Variants in HEATR1 observed in about 807,000 individuals in gnomAD.
HEATR1 encodes HEAT repeat-containing protein 1.
A neutral mutation model predicts 248.2 loss-of-function variants in HEATR1; 77 were observed. The ratio of observed to expected loss-of-function variants is 0.31; its 90% CI spans 0.26 to 0.37. The LOEUF is 0.37. Ranked by LOEUF, HEATR1 falls within the 10% of genes least tolerant of loss-of-function variation. The probability of loss-of-function intolerance (pLI) is 1.00; values close to 1 mark genes in which losing one functional copy is unlikely to be tolerated. For missense variants in HEATR1, 2,420 were observed against 2,504.9 expected (o/e 0.97, Z 0.72); for synonymous variants, 897 against 923.1 (o/e 0.97, Z 0.51).
Position 236,591,929 on chromosome 1 carries a change from A to T in HEATR1, c.1422+64T>A, listed in dbSNP as rs1664049019. Reference sequence around the variant, plus strand: ...AAAAAAGTGGCAAATTTCCTTCTGGAGCTCTTCACATACCCATACAAATGT... The same window carrying T: ...AAAAAAGTGGCAAATTTCCTTCTGGTGCTCTTCACATACCCATACAAATGT... On this transcript the variant is annotated intron_variant, in intron 11 of 44. Transcript: ENST00000366582. 4.3e-6 allele frequency: 4 copies of T among 922,212 alleles called. No individual in the cohort carries two copies. In the South Asian group the frequency reaches 5.6e-5, roughly 13 times the overall value. The allele number at this position is 922,212 out of a possible 1,614,324, so 57.1% of individuals were successfully genotyped here. A position where few individuals can be genotyped will look rare whatever the true frequency, so the allele number is the denominator to read the frequency against.
chr1:236,590,302 G>A (rs772049382), intron 12 of HEATR1, among the ~76,000 whole-genome samples: 11 of 151,904 alleles, frequency 7.2e-5, no homozygotes, highest in African/African-American at 1.7e-4. Context: ...ATCATGGCTC[G>A]CTGCAGCCTC....
intron 3 of HEATR1, among the ~76,000 whole-genome samples, chr1:236,602,415 G>C (rs1664350286): frequency 6.6e-6 from 1 of 152,348 alleles, no homozygotes; most frequent in South Asian, 2.1e-4. Flanking sequence ...AGAATTAAAT[G>C]AGATAATGCA....
chr1:236,580,175 G>A (rs761345032), intron 20 of HEATR1, among the ~76,000 whole-genome samples: 1 of 151,976 alleles, frequency 6.6e-6, no homozygotes. Flanking sequence ...ATGAAATTCT[G>A]CATCTTTTGC....
At chr1:236,582,621 T>A in intron 19 of HEATR1, 115 bp downstream of exon 19, 1 of 1,030,540 alleles carries the variant, frequency 9.7e-7, no homozygotes, top group Non-Finnish European at 1.5e-6. Context: ...CAGGCTGGTA[T>A]TGAACTCCTG....
At chr1:236,601,470 C>T (rs1350153289) in intron 3 of HEATR1, among the ~76,000 whole-genome samples, 1 of 152,094 alleles carries the variant, frequency 6.6e-6, no homozygotes, top group Admixed American at 6.6e-5. Context: ...GGCCTTGAAG[C>T]CATGTCTCCA....
At chr1:236,594,202 T>A in intron 8 of HEATR1, 88 bp from the exon 9 acceptor site, 1 of 806,192 alleles carries the variant, frequency 1.2e-6, no homozygotes, top group South Asian at 1.7e-5. Flanking sequence ...AAAATCGTTC[T>A]CAGAATAAAA....
Position 236,582,820 on chromosome 1 carries a change from C to T in HEATR1, c.2478G>A (p.Leu826=). ...TCTCAAACAGCCCAATGAGCAAGTG[C>T]AGATAGTCCCTGCTGTCTTCTTTCA... The part of the protein sequence containing the change: ...EQLKEDSRDY[L]HLLIGLFEMM... The change falls in exon 19 of 45, where the codon CTG becomes CTA. Residue 826 remains leucine, a synonymous_variant. Transcript: ENST00000366582. 1 of 1,614,028 alleles carries T rather than the reference C, an allele frequency of 6.2e-7. No individual in the cohort carries two copies. The highest frequency in any genetic ancestry group is 8.5e-7 in the Non-Finnish European group (1 of 1,179,862).
rs113691081 is a variant in HEATR1 at position 236,592,647 on chromosome 1, A to C, written c.1194-14T>G. On this transcript the variant is annotated splice_polypyrimidine_tract_variant and intron_variant, in intron 9 of 44. Transcript: ENST00000366582. ...TCAAATAGAAGGCTGTAAAAAAAAA[A>C]ACAGAAATATCAGCATACATAAGAG... 2,422 of 1,081,430 alleles carry C rather than the reference A, an allele frequency of 2.2e-3. 49 individuals carry two copies. In the African/African-American group the frequency reaches 0.034, roughly 15 times the overall value. The allele number at this position is 1,081,430 out of a possible 1,614,324, so 67.0% of individuals were successfully genotyped here. A position where few individuals can be genotyped will look rare whatever the true frequency, so the allele number is the denominator to read the frequency against.
At position 236,580,548 on chromosome 1, in the gene HEATR1, G is replaced by A. The variant is rs570649378; in HGVS notation, c.2755+674C>T. The stretch of plus-strand genomic sequence containing the variant: ...TTTTTTTTTTTTGAGACAGGGTCTT[G>A]CTCTGTTGCCCAGTTTGGAGTGCAG... On this transcript the variant is annotated intron_variant, in intron 20 of 44. Coordinates refer to ENST00000366582, the MANE Select transcript of HEATR1 (RefSeq NM_018072.6). 7.6e-5 allele frequency among the ~76,000 whole-genome samples: 11 copies of A among 144,942 alleles called. No individual in the cohort carries two copies. The South Asian group carries it at 2.4e-3, about 31-fold the overall frequency.
chr1:236,600,486 C>G (rs887720389), intron 3 of HEATR1, among the ~76,000 whole-genome samples: 4 of 151,788 alleles, frequency 2.6e-5, no homozygotes, highest in Non-Finnish European at 5.9e-5. Context: ...ACTCTCCTAT[C>G]CTTTTACATC....
At chr1:236,573,309 A>G (rs1285723207) in intron 24 of HEATR1, among the ~76,000 whole-genome samples, 2 of 152,200 alleles carry the variant, frequency 1.3e-5, no homozygotes, top group Admixed American at 6.5e-5. Context: ...TGTATATTCT[A>G]ATCAGCTAGG....
intron 3 of HEATR1, among the ~76,000 whole-genome samples, chr1:236,602,305 T>C (rs768376731): frequency 3.3e-5 from 5 of 152,218 alleles, no homozygotes; most frequent in Non-Finnish European, 7.3e-5. Flanking sequence ...CTCTGCCACT[T>C]ACTAGCTGTG....
intron 13 of HEATR1, 113 bp downstream of exon 13, chr1:236,587,835 T>C: frequency 1.4e-6 from 1 of 703,324 alleles, no homozygotes; most frequent in Non-Finnish European, 2.3e-6. Context: ...GAGAACAAAT[T>C]TCCCATGGAA....
At chr1:236,597,778 C>T in intron 5 of HEATR1, 100 bp downstream of exon 5, 2 of 694,944 alleles carry the variant, frequency 2.9e-6, no homozygotes, top group Non-Finnish European at 4.7e-6. Flanking sequence ...TAAATTTATC[C>T]AAAGTATCAT....
intron 2 of HEATR1, 57 bp downstream of exon 2, chr1:236,603,897 G>T: frequency 4.6e-6 from 7 of 1,529,654 alleles, no homozygotes; most frequent in African/African-American, 1.4e-5. Flanking sequence ...AAAAAAAACA[G>T]TAACATCCAG....
At position 236,550,027 on chromosome 1, in the gene HEATR1, T is replaced by G. The variant is rs1662648425; in HGVS notation, c.*875A>C. Reference sequence around the variant, plus strand: ...TCTACGGGATGTTCTTAGATGCCTTTAAAAAGGGGGCAGATCTAATTTTAT... The same window carrying G: ...TCTACGGGATGTTCTTAGATGCCTTGAAAAAGGGGGCAGATCTAATTTTAT... On this transcript the variant is annotated 3_prime_UTR_variant, in exon 45 of 45. Coordinates refer to ENST00000366582, the MANE Select transcript of HEATR1 (RefSeq NM_018072.6). The G allele has an allele frequency of 6.6e-6, 1 of 152,174 alleles. No homozygotes were observed. Among genetic ancestry groups the G allele is most frequent in the Non-Finnish European group, 1.5e-5 (1 of 68,026 alleles). The allele number at this position is 152,174 out of a possible 1,614,324, so 9.4% of individuals were successfully genotyped here.
intron 28 of HEATR1, among the ~76,000 whole-genome samples, chr1:236,570,162 G>A (rs1370265851): frequency 6.6e-6 from 1 of 152,124 alleles, no homozygotes. Flanking sequence ...GGTGGCGGGT[G>A]CCTGTAGTCC....
At chr1:236,560,034 G>A (rs1344502843) in intron 33 of HEATR1, among the ~76,000 whole-genome samples, 197 bp from the exon 34 acceptor site, 2 of 146,404 alleles carry the variant, frequency 1.4e-5, no homozygotes, top group African/African-American at 2.7e-5. Context: ...GTAACTAGGC[G>A]CTTCTGTGCA....
intron 2 of HEATR1, 53 bp downstream of exon 2, chr1:236,603,901 C>T (rs1664396408): frequency 1.2e-5 from 18 of 1,535,650 alleles, no homozygotes; most frequent in Non-Finnish European, 1.5e-5. Context: ...AAAACAGTAA[C>T]ATCCAGAAAA....
Sources: allele counts gnomAD v4.1 joint callset (sites outside exome capture counted in the v4.1 genomes callset), GRCh38; gene constraint gnomAD v4.1.1; transcripts MANE v1.5; gene names NCBI Gene and HGNC (gene_info 2026-07-23, HGNC 2026-07-21).